ZNF354B: variants seen among roughly 807,000 people sequenced by gnomAD.
The protein encoded by ZNF354B is zinc finger protein 354B.
A neutral mutation model predicts 12.9 loss-of-function variants in ZNF354B; 10 were observed. The observed-to-expected ratio is 0.77, with a 90% CI of 0.48 to 1.31. ZNF354B has a LOEUF of 1.31. Ranked by LOEUF, ZNF354B falls within the 40% of genes most tolerant of loss-of-function variation. The probability of loss-of-function intolerance (pLI) is 0.00; values close to 1 mark genes in which losing one functional copy is unlikely to be tolerated. For synonymous variants in ZNF354B, 260 were observed against 243.7 expected, an observed-to-expected ratio of 1.07 and a Z score of -0.62; for missense variants, 614 against 711.7, an observed-to-expected ratio of 0.86 and a Z score of 1.56.
intron 4 of ZNF354B, among the ~76,000 whole-genome samples, chr5:178,869,115 G>A (rs1757514959): frequency 6.6e-6 from 1 of 152,238 alleles, no homozygotes; most frequent in Non-Finnish European, 1.5e-5. Flanking sequence ...AGGCTCTGAG[G>A]AGCCATAAGT....
chr5:178,867,213 T>C (rs552740602), intron 4 of ZNF354B, 142 bp downstream of exon 4: 1 of 758,626 alleles, frequency 1.3e-6, no homozygotes. Flanking sequence ...CCCAGGCTCT[T>C]AGGCAGGATT....
rs1221628262 is a variant in ZNF354B, at chr5:178,860,002, T to C, written c.-177T>C. The C allele has an allele frequency of 6.6e-6, 1 of 152,316 alleles. No homozygotes were observed. Among genetic ancestry groups the C allele is most frequent in the Non-Finnish European group, 1.5e-5 (1 of 68,096 alleles). The allele number at this position is 152,316 out of a possible 1,614,324, so 9.4% of individuals were successfully genotyped here. A position where few individuals can be genotyped will look rare whatever the true frequency, so the allele number is the denominator to read the frequency against. On this transcript the variant is annotated 5_prime_UTR_variant, in exon 1 of 5. Transcript: ENST00000322434. ...CCCAGGCGCTCTGCGGAGCTTTCGC[T>C]GCCCGGTGAGCGGCGCCGGGCTTGA...
chr5:178,874,812 A>G (rs1432041627), intron 4 of ZNF354B, among the ~76,000 whole-genome samples: 1 of 152,042 alleles, frequency 6.6e-6, no homozygotes, highest in African/African-American at 2.4e-5. Flanking sequence ...TGGGTTTTTG[A>G]TTTGCCAGAG....
At chr5:178,862,362 C>CTTTTTTT (rs769224561) in intron 2 of ZNF354B, among the ~76,000 whole-genome samples, 25 of 105,586 alleles carry the variant, frequency 2.4e-4, no homozygotes, top group African/African-American at 6.7e-4. Flanking sequence ...GTGGCATTAT[C>CTTTTTTT]TTTTTTTTTT....
At chr5:178,879,026 T>A (rs943613897) in intron 4 of ZNF354B, among the ~76,000 whole-genome samples, 3 of 150,980 alleles carry the variant, frequency 2.0e-5, no homozygotes, top group South Asian at 2.1e-4. Context: ...AAGTATATAT[T>A]TTTTAGGACC....
chr5:178,877,082 T>C (rs1725570245), intron 4 of ZNF354B, among the ~76,000 whole-genome samples: 1 of 152,172 alleles, frequency 6.6e-6, no homozygotes, highest in African/African-American at 2.4e-5. Flanking sequence ...CCTGTAGGTC[T>C]TCTCACATTT....
intron 4 of ZNF354B, among the ~76,000 whole-genome samples, chr5:178,880,217 T>C (rs868835459): frequency 5.3e-5 from 8 of 152,102 alleles, no homozygotes; most frequent in South Asian, 4.1e-4. Flanking sequence ...TTTTTTTTTT[T>C]TTAGACGGGG....
At chr5:178,879,916 A>G (rs916675642) in intron 4 of ZNF354B, among the ~76,000 whole-genome samples, 1 of 151,932 alleles carries the variant, frequency 6.6e-6, no homozygotes, top group African/African-American at 2.4e-5. Flanking sequence ...TCACGAGGTC[A>G]GGAGATTGAG....
intron 4 of ZNF354B, among the ~76,000 whole-genome samples, chr5:178,876,699 T>C (rs1757643231): frequency 6.6e-6 from 1 of 152,222 alleles, no homozygotes; most frequent in Non-Finnish European, 1.5e-5. Flanking sequence ...TTCATTTCAG[T>C]TATTATGCTT....
Position 178,883,582 on chromosome 5 carries a change from C to G in ZNF354B, c.1130C>G (p.Thr377Ser), listed in dbSNP as rs1278573529. Reference protein sequence around the residue: ...SSLRYHQRIHTGEKPFKCSEC... With the variant: ...SSLRYHQRIHSGEKPFKCSEC... ...CTTCGTTATCATCAGAGAATTCACA[C>G]TGGAGAGAAGCCTTTTAAATGTAGT... The change falls in exon 5 of 5, where the codon ACT (threonine) becomes AGT (serine). Residue 377 changes from threonine (T) to serine (S), a missense_variant. Coordinates refer to ENST00000322434, the MANE Select transcript of ZNF354B (RefSeq NM_058230.3). The G allele has an allele frequency of 6.2e-7, 1 of 1,613,836 alleles. No homozygotes were observed. The highest frequency in any genetic ancestry group is 1.3e-5 in the African/African-American group (1 of 74,916).
chr5:178,868,458 G>A (rs370026248), intron 4 of ZNF354B, among the ~76,000 whole-genome samples: 5,146 of 150,442 alleles, frequency 0.034, 300 homozygotes, highest in African/African-American at 0.12. Flanking sequence ...GCATTGGGCA[G>A]AAAGGGACAC....
At chr5:178,873,058 G>T (rs1298708808) in intron 4 of ZNF354B, among the ~76,000 whole-genome samples, 1 of 152,176 alleles carries the variant, frequency 6.6e-6, no homozygotes, top group East Asian at 1.9e-4. Flanking sequence ...AGAGTGCTGG[G>T]CTTACAGGCG....
intron 4 of ZNF354B, among the ~76,000 whole-genome samples, chr5:178,872,018 C>T (rs1757570172): frequency 6.6e-6 from 1 of 151,892 alleles, no homozygotes; most frequent in Non-Finnish European, 1.5e-5. Flanking sequence ...AGTATAATAC[C>T]ACAACCAAGA....
chr5:178,884,470 G>GTTTAAAATATCA lies in ZNF354B; in HGVS notation c.*179_*180insTTTAAAATATCA. ...TCACTCACTTTTTAAAATATCCCGA[G>GTTTAAAATATCA]ACAGTTCACTGTTGCAGACATTGAA... On this transcript the variant is annotated 3_prime_UTR_variant, in exon 5 of 5. Transcript: ENST00000322434. 1 of 623,282 alleles carries GTTTAAAATATCA rather than the reference G, an allele frequency of 1.6e-6. No homozygotes were observed. Among genetic ancestry groups the GTTTAAAATATCA allele is most frequent in the Non-Finnish European group, 2.6e-6 (1 of 387,466 alleles). The allele number at this position is 623,282 out of a possible 1,614,324, so 38.6% of individuals were successfully genotyped here.
At chr5:178,868,417 A>G (rs1294094859) in intron 4 of ZNF354B, among the ~76,000 whole-genome samples, 100 of 147,428 alleles carry the variant, frequency 6.8e-4, no homozygotes, top group South Asian at 1.5e-3. Context: ...CTGGGGGATC[A>G]AGGTTGAACC....
chr5:178,867,276 T>C (rs1282347421), intron 4 of ZNF354B, among the ~76,000 whole-genome samples: 1 of 152,242 alleles, frequency 6.6e-6, no homozygotes, highest in Non-Finnish European at 1.5e-5. Context: ...TTTCTTACTC[T>C]TTCCTGTTGT....
At chr5:178,882,463 G>A (rs1442206995) in intron 4 of ZNF354B, among the ~76,000 whole-genome samples, 1 of 152,052 alleles carries the variant, frequency 6.6e-6, no homozygotes, top group African/African-American at 2.4e-5. Context: ...CTCCTCCTCT[G>A]ATCCTTCTGC....
chr5:178,882,759 T>C lies in ZNF354B; in HGVS notation c.307T>C (p.Phe103Leu). Residue 103 changes from phenylalanine (F) to leucine (L), a missense_variant, in exon 5 of 5, where the codon TTT (phenylalanine) becomes CTT (leucine). By Grantham distance (22) the Phe-to-Leu change is conservative. Transcript: ENST00000322434. ...MTKSTQTQDS[F>L]QEQIRKRLKR... ...AAAGTCAACTCAAACTCAGGATTCA[T>C]TTCAGGAGCAGATAAGGAAAAGATT... 1 of 1,582,770 alleles carries C rather than the reference T, an allele frequency of 6.3e-7. No homozygotes were observed. The highest frequency in any genetic ancestry group is 8.5e-7 in the Non-Finnish European group (1 of 1,172,370).
chr5:178,874,251 C>T (rs1273927953), intron 4 of ZNF354B, among the ~76,000 whole-genome samples: 5 of 152,300 alleles, frequency 3.3e-5, no homozygotes, highest in African/African-American at 1.2e-4. Flanking sequence ...GCCACCATGC[C>T]TGGCCCATTT....
Sources: allele counts gnomAD v4.1 joint callset (sites outside exome capture counted in the v4.1 genomes callset), GRCh38; gene constraint gnomAD v4.1.1; transcripts MANE v1.5; gene names NCBI Gene and HGNC (gene_info 2026-07-23, HGNC 2026-07-21).